The following CENPM variants were observed in gnomAD, a reference collection of about 807,000 sequenced individuals.
The protein encoded by CENPM is centromere protein M.
CENPM carries 14 observed loss-of-function variants against 19.6 expected under a neutral mutation model. The observed-to-expected ratio is 0.71, with a 90% CI of 0.47 to 1.11. CENPM has a LOEUF of 1.11. CENPM is among the 50% of genes most tolerant of loss of function. The pLI is 0.00. For synonymous variants in CENPM, 114 were observed against 101.5 expected (o/e 1.12, Z -0.74); for missense variants, 239 against 228.4 (o/e 1.05, Z -0.30).
intron 4 of CENPM, 92 bp from the exon 5 acceptor site, chr22:41,943,793 C>A: frequency 8.9e-7 from 1 of 1,121,496 alleles, no homozygotes; most frequent in South Asian, 1.5e-5. Flanking sequence ...CTTCCCCACT[C>A]TGGGGCTCAG....
chr22:41,946,085 A>G, intron 2 of CENPM, 80 bp from the exon 3 acceptor site: 1 of 1,271,942 alleles, frequency 7.9e-7, no homozygotes, highest in Non-Finnish European at 1.1e-6. Context: ...CTTCATGTGG[A>G]AAGAGGCCGT....
the CENPM span, among the ~76,000 whole-genome samples, chr22:41,930,858 A>G: frequency 1.5e-5 from 2 of 129,998 alleles, no homozygotes; most frequent in East Asian, 4.5e-4. Flanking sequence ...TTTTTTTGAG[A>G]TGGAGTCTCG....
At chr22:41,933,083 G>A in the CENPM span, among the ~76,000 whole-genome samples, 4 of 152,150 alleles carry the variant, frequency 2.6e-5, no homozygotes, top group African/African-American at 9.7e-5. Context: ...CCTGGTGGAT[G>A]GTGACCTCGG....
chr22:41,939,835 A>AG (rs2077714755), intron 5 of CENPM, among the ~76,000 whole-genome samples: 1 of 39,044 alleles, frequency 2.6e-5, no homozygotes, highest in African/African-American at 1.1e-4. Flanking sequence ...AGAAAGAAAG[A>AG]AAGAAAAAGA....
chr22:41,928,891 T>G, the CENPM span, among the ~76,000 whole-genome samples: 1 of 148,988 alleles, frequency 6.7e-6, no homozygotes. This position sits in a 1 kb window ranked among gnomAD's most constrained non-coding sequence, Gnocchi z 4.0. Context: ...GGCCATGGAG[T>G]GAGGGGAGCA....
At chr22:41,945,835 A>T in intron 3 of CENPM, 78 bp downstream of exon 3, 1 of 1,175,364 alleles carries the variant, frequency 8.5e-7, no homozygotes, top group Non-Finnish European at 1.2e-6. Context: ...ACTTCCCATC[A>T]CAAGTTAGGT....
chr22:41,944,531 A>G, intron 4 of CENPM: 1 of 460,956 alleles, frequency 2.2e-6, no homozygotes. Flanking sequence ...GCCTGGGGCA[A>G]CTTAACCTCA....
the CENPM span, among the ~76,000 whole-genome samples, chr22:41,928,906 C>T: frequency 2.6e-4 from 40 of 151,906 alleles, no homozygotes; most frequent in Admixed American, 2.1e-3. The surrounding 1 kb of genome is among the most constrained non-coding windows in gnomAD (Gnocchi z 4.0). Flanking sequence ...GGAGCAAGGC[C>T]GACCCCCAGG....
At chr22:41,933,614 A>G in the CENPM span, among the ~76,000 whole-genome samples, 2 of 151,850 alleles carry the variant, frequency 1.3e-5, no homozygotes, top group African/African-American at 4.8e-5. Context: ...AGCATCCCAT[A>G]CTCAGGTGGG....
rs867932965 is a variant in CENPM, at chr22:41,946,459, G to A, written c.95C>T (p.Ala32Val). The change falls in exon 2 of 6, where the codon GCG (alanine) becomes GTG (valine). Residue 32 changes from alanine to valine, a missense_variant. By Grantham distance (64) the Ala-to-Val change is moderately conservative. Coordinates refer to ENST00000215980, the MANE Select transcript of CENPM (RefSeq NM_024053.5). ...GTEDALLQQLADSMLKEDCAS... is the reference protein window; with the variant it reads ...GTEDALLQQLVDSMLKEDCAS... ...GCAGTCCTCTTTGAGCATCGAGTCCGCCAGCTGCTGCAGAAGAGCATCCTC... is the reference window on the plus strand; with the variant it reads ...GCAGTCCTCTTTGAGCATCGAGTCCACCAGCTGCTGCAGAAGAGCATCCTC... The A allele has an allele frequency of 2.5e-6, 4 of 1,612,852 alleles. No homozygotes were observed. Among genetic ancestry groups the A allele is most frequent in the Non-Finnish European group, 3.4e-6 (4 of 1,179,942 alleles).
downstream of CENPM, among the ~76,000 whole-genome samples, chr22:41,934,228 G>A (rs2077674986): frequency 6.6e-6 from 1 of 152,176 alleles, no homozygotes. Context: ...TCCTTGGTAG[G>A]GATGGGAAAC....
chr22:41,933,279 C>T, the CENPM span, among the ~76,000 whole-genome samples: 4 of 151,824 alleles, frequency 2.6e-5, no homozygotes, highest in Non-Finnish European at 4.4e-5. Context: ...TAAAGGGGCC[C>T]GCCAGGCAGC....
In CENPM at chr22:41,946,486, G is replaced by A. The variant is rs746865135; in HGVS notation, c.68C>T (p.Thr23Met). ...CAGCTGCTGCAGAAGAGCATCCTCC[G>A]TGCCCACCAGCTGCGCAGGGAGAGA... is the stretch of plus-strand genomic sequence containing the variant. The part of the protein sequence containing the change: ...LNTATILLVG[T>M]EDALLQQLAD... The change falls in exon 2 of 6, where the codon ACG (threonine) becomes ATG (methionine). Residue 23 changes from threonine to methionine, a missense_variant. Physicochemically the swap from Thr to Met is moderately conservative, Grantham distance 81. Transcript: ENST00000215980. 10 of 1,613,132 alleles carry A rather than the reference G, an allele frequency of 6.2e-6. No homozygotes were observed. In the East Asian group the frequency reaches 1.6e-4, roughly 25 times the overall value.
rs1445357052 is a variant in CENPM, at chr22:41,943,591, C to G, written c.402+19G>C. 1.2e-6 allele frequency: 2 copies of G among 1,608,332 alleles called. No individual in the cohort carries two copies. Among genetic ancestry groups the G allele is most frequent in the Non-Finnish European group, 1.7e-6 (2 of 1,175,586 alleles). On this transcript the variant is annotated intron_variant, in intron 5 of 5. Coordinates refer to ENST00000215980, the MANE Select transcript of CENPM (RefSeq NM_024053.5). ...CCGCACCCGAGTATAGTGTTGGTCTCTGTGATCAGCATGCTCACCTCCAGG... is the reference window on the plus strand; with the variant it reads ...CCGCACCCGAGTATAGTGTTGGTCTGTGTGATCAGCATGCTCACCTCCAGG...
intron 5 of CENPM, chr22:41,940,283 C>A: frequency 1.5e-6 from 1 of 666,894 alleles, no homozygotes; most frequent in South Asian, 1.7e-5. Context: ...CCCTGGTTAC[C>A]CTGCCTAACT....
intron 5 of CENPM, chr22:41,939,993 C>T (rs1157459677): frequency 5.3e-6 from 3 of 570,974 alleles, no homozygotes; most frequent in Non-Finnish European, 9.6e-6. Flanking sequence ...ATTTAAAACC[C>T]AAGTCAGGCC....
downstream of CENPM, among the ~76,000 whole-genome samples, chr22:41,937,135 T>C (rs926561884): frequency 1.3e-5 from 2 of 152,128 alleles, no homozygotes; most frequent in African/African-American, 4.8e-5. Flanking sequence ...TTCTGATGCC[T>C]CTACAATCTC....
chr22:41,928,240 CTA>C, the CENPM span: 1 of 328,784 alleles, frequency 3.0e-6, no homozygotes, highest in African/African-American at 2.2e-5. The surrounding 1 kb of genome is among the most constrained non-coding windows in gnomAD (Gnocchi z 4.0). Context: ...TTCTCCAGGG[CTA>C]TGTGTCCTCT....
At chr22:41,944,630 A>G in intron 4 of CENPM, 1 of 973,468 alleles carries the variant, frequency 1.0e-6, no homozygotes, top group South Asian at 4.8e-5. Flanking sequence ...TGACAGCTCA[A>G]AAGATGTCAG....
Sources: allele counts gnomAD v4.1 joint callset (sites outside exome capture counted in the v4.1 genomes callset), GRCh38; gene constraint gnomAD v4.1.1; non-coding constraint Gnocchi (gnomAD v3.1); transcripts MANE v1.5; gene names NCBI Gene and HGNC (gene_info 2026-07-23, HGNC 2026-07-21).